MYO10: variants seen among roughly 807,000 people sequenced by gnomAD.
MYO10 encodes the protein myosin X, also known as unconventional myosin-X.
MYO10 carries 133 observed loss-of-function variants against 257.3 expected under a neutral mutation model. The observed-to-expected ratio is 0.52, with a 90% CI of 0.45 to 0.60. The LOEUF (loss-of-function observed/expected upper bound fraction) is 0.60. Ranked by LOEUF, MYO10 falls within the 20% of genes least tolerant of loss-of-function variation. MYO10 has a pLI of 0.00. For synonymous variants in MYO10, 1,104 were observed against 1,028.6 expected, an observed-to-expected ratio of 1.07 and a Z score of -1.40; for missense variants, 2,399 against 2,635.7, an observed-to-expected ratio of 0.91 and a Z score of 1.97.
chr5:16,717,180 TA>T (rs1738910607), intron 19 of MYO10, among the ~76,000 whole-genome samples: 1 of 152,224 alleles, frequency 6.6e-6, no homozygotes, highest in South Asian at 2.1e-4. Flanking sequence ...AGTTAAAAAG[TA>T]AGTCTCAAAG....
Position 16,663,089 on chromosome 5 carries a change from G to T in MYO10, c.*3603C>A, listed in dbSNP as rs1048536299. The T allele has an allele frequency of 2.6e-5, 4 of 152,114 alleles. No homozygotes were observed. The highest frequency in any genetic ancestry group is 2.6e-4 in the Admixed American group (4 of 15,264). 9.4% of individuals were successfully genotyped at this position (152,114 alleles called of 1,614,324 possible). A position where few individuals can be genotyped will look rare whatever the true frequency, so the allele number is the denominator to read the frequency against. On this transcript the variant is annotated 3_prime_UTR_variant, in exon 41 of 41. Coordinates refer to ENST00000513610, the MANE Select transcript of MYO10 (RefSeq NM_012334.3). ...TCAAAAAGAATAAGGCAATTCTATA[G>T]GTATTAATGTAGGATTAGAGCTAAA...
intron 1 of MYO10, among the ~76,000 whole-genome samples, chr5:16,928,791 G>A (rs1389436689): frequency 1.3e-5 from 2 of 150,140 alleles, no homozygotes; most frequent in African/African-American, 4.9e-5. Context: ...GTTGCAGTGA[G>A]CCGAGATCAC....
chr5:16,756,118 G>A (rs1740521899), intron 18 of MYO10, among the ~76,000 whole-genome samples: 1 of 152,072 alleles, frequency 6.6e-6, no homozygotes. Flanking sequence ...TGCCACCCAG[G>A]CTGGAGTACA....
intron 19 of MYO10, among the ~76,000 whole-genome samples, chr5:16,735,942 GTC>G (rs1016373281): frequency 1.4e-4 from 21 of 152,160 alleles, no homozygotes; most frequent in African/African-American, 5.1e-4. Context: ...CAACTGAAGA[GTC>G]TCTACTCATC....
chr5:16,668,174 T>G, intron 40 of MYO10, 103 bp downstream of exon 40: 2 of 1,280,864 alleles, frequency 1.6e-6, no homozygotes, highest in South Asian at 1.7e-5. Flanking sequence ...TGAAGAAAAA[T>G]ATTCAAAGAA....
At chr5:16,748,460 G>A (rs920919309) in intron 19 of MYO10, among the ~76,000 whole-genome samples, 1 of 151,880 alleles carries the variant, frequency 6.6e-6, no homozygotes. Context: ...GGCCAGGCTG[G>A]TCTCGAACTC....
At chr5:16,741,950 C>T (rs1025451540) in intron 19 of MYO10, 47 of 985,236 alleles carry the variant, frequency 4.8e-5, no homozygotes, top group African/African-American at 2.1e-4. Flanking sequence ...TGGTGCGTCT[C>T]GGGCTGTGCT....
At chr5:16,811,139 C>G (rs989550448) in intron 3 of MYO10, among the ~76,000 whole-genome samples, 1 of 118,082 alleles carries the variant, frequency 8.5e-6, no homozygotes, top group Non-Finnish European at 1.8e-5. Context: ...CAGCCCCAAA[C>G]TTTCCAGGTG....
At chr5:16,710,843 C>T in intron 21 of MYO10, 65 bp downstream of exon 21, 1 of 1,378,868 alleles carries the variant, frequency 7.3e-7, no homozygotes, top group Non-Finnish European at 1.0e-6. Flanking sequence ...AGCCCTAAAC[C>T]CTGTGAGCAT....
intron 4 of MYO10, among the ~76,000 whole-genome samples, chr5:16,794,403 A>G (rs7736914): frequency 0.16 from 23,045 of 147,664 alleles, 2,141 homozygotes; most frequent in South Asian, 0.27. Context: ...AAAAAAAAAA[A>G]GGAACAGAAT....
chr5:16,918,028 C>T (rs1487401679), intron 1 of MYO10, among the ~76,000 whole-genome samples: 1 of 152,218 alleles, frequency 6.6e-6, no homozygotes, highest in Non-Finnish European at 1.5e-5. Context: ...AAAATATTAG[C>T]AGCTGCCAAG....
chr5:16,808,820 C>T (rs1053472512), intron 3 of MYO10, among the ~76,000 whole-genome samples: 21 of 151,990 alleles, frequency 1.4e-4, no homozygotes, highest in African/African-American at 5.1e-4. Context: ...TACAGGCACC[C>T]GCCACCACGC....
At chr5:16,830,037 C>T (rs1281101287) in intron 2 of MYO10, among the ~76,000 whole-genome samples, 2 of 152,002 alleles carry the variant, frequency 1.3e-5, no homozygotes, top group East Asian at 3.9e-4. Context: ...GTGAGGAGTT[C>T]GGGACCAGCC....
At chr5:16,897,076 GCTC>G (rs1745239391) in intron 1 of MYO10, among the ~76,000 whole-genome samples, 1 of 152,106 alleles carries the variant, frequency 6.6e-6, no homozygotes, top group African/African-American at 2.4e-5. Context: ...ACAACGCATT[GCTC>G]CTGAGTAATC....
At chr5:16,934,423 G>C (rs2126811081) in intron 1 of MYO10, among the ~76,000 whole-genome samples, 1 of 152,386 alleles carries the variant, frequency 6.6e-6, no homozygotes. Context: ...TTTTCTTACA[G>C]ATGCAAGCAA....
chr5:16,740,087 G>T lies in MYO10; in HGVS notation c.1929+14741C>A, dbSNP rs1739962594. On this transcript the variant is annotated intron_variant, in intron 19 of 40. Coordinates refer to ENST00000513610, the MANE Select transcript of MYO10 (RefSeq NM_012334.3). ...GAGTGGACCATCTGCACAGATGAGA[G>T]AAGACCCAGGGGAGTTTCAGACCCT... Among the ~76,000 whole-genome samples the T allele has an allele frequency of 2.6e-5, 4 of 152,184 alleles. No homozygotes were observed. In the South Asian group the frequency reaches 8.3e-4, roughly 32 times the overall value.
Position 16,701,844 on chromosome 5 carries a change from CAGA to C in MYO10, c.2557-9_2557-7del. On this transcript the variant is annotated splice_region_variant and splice_polypyrimidine_tract_variant and intron_variant, in intron 24 of 40. Transcript: ENST00000513610. The surrounding 1 kb of genome is among the most constrained non-coding windows in gnomAD (Gnocchi z 8.1). The stretch of plus-strand genomic sequence containing the variant: ...TGCTTCCTCGTTTCTTCTTCCTGGA[CAGA>C]AGCAGAAGGGAGATTTCAGAAGGCT... 1 of 1,580,634 alleles carries C rather than the reference CAGA, an allele frequency of 6.3e-7. No individual in the cohort carries two copies. The highest frequency in any genetic ancestry group is 8.6e-7 in the Non-Finnish European group (1 of 1,168,064).
intron 3 of MYO10, among the ~76,000 whole-genome samples, chr5:16,812,474 CT>C (rs1742471233): frequency 6.6e-6 from 1 of 152,136 alleles, no homozygotes; most frequent in South Asian, 2.1e-4. Flanking sequence ...GGTTCAGGGG[CT>C]TCATAAGCAC....
At chr5:16,747,196 G>C (rs1740220032) in intron 19 of MYO10, among the ~76,000 whole-genome samples, 1 of 152,132 alleles carries the variant, frequency 6.6e-6, no homozygotes, top group Non-Finnish European at 1.5e-5. Flanking sequence ...CAGGGCGAAG[G>C]AGCATGTCAG....
Sources: gnomAD v4.1 joint callset for allele counts (sites outside exome capture counted in the v4.1 genomes callset) on GRCh38, gnomAD v4.1.1 for gene constraint, Gnocchi (gnomAD v3.1) non-coding constraint, MANE v1.5 for transcripts, NCBI Gene and HGNC (gene_info 2026-07-23, HGNC 2026-07-21) for gene names.